TES: variants seen among roughly 807,000 people sequenced by gnomAD.
TES encodes testin.
TES carries 41 observed loss-of-function variants against 48.2 expected under a neutral mutation model. The observed-to-expected ratio is 0.85, with a 90% CI of 0.66 to 1.10. The LOEUF is 1.10. Among genes scored for constraint, TES ranks in the 50% least tolerant of loss-of-function variants. The probability of loss-of-function intolerance (pLI) is 0.00; values close to 1 mark genes in which losing one functional copy is unlikely to be tolerated. For missense variants in TES, 463 were observed against 515.1 expected (o/e 0.90, Z 0.98); for synonymous variants, 162 against 174.9 (o/e 0.93, Z 0.58).
At chr7:116,239,182 A>G (rs1025213822) in intron 2 of TES, 11 of 152,192 alleles carry the variant, frequency 7.2e-5, no homozygotes, top group Admixed American at 4.6e-4. Context: ...AATGCCTTCC[A>G]TCTTCAAAGC....
At chr7:116,213,300 G>C (rs1799459825) in intron 1 of TES, among the ~76,000 whole-genome samples, 1 of 152,156 alleles carries the variant, frequency 6.6e-6, no homozygotes, top group African/African-American at 2.4e-5. Context: ...AATGTACCTT[G>C]AGAAAAGGAA....
intron 1 of TES, chr7:116,217,861 T>TTAG (rs1437812354): frequency 1.9e-6 from 1 of 516,572 alleles, no homozygotes; most frequent in African/African-American, 1.9e-5. Flanking sequence ...CAATTTTCAG[T>TTAG]TCTAAGTGCC....
chr7:116,235,963 GTTCTTCAGTTTTGATACAA>G (rs1799765706), intron 2 of TES, among the ~76,000 whole-genome samples: 1 of 151,908 alleles, frequency 6.6e-6, no homozygotes. Context: ...AACTGATACA[GTTCTTCAGTTTTGATACAA>G]TTCTTCAGTT....
At chr7:116,218,971 C>T (rs940604990) in intron 1 of TES, among the ~76,000 whole-genome samples, 2 of 152,154 alleles carry the variant, frequency 1.3e-5, no homozygotes, top group Non-Finnish European at 2.9e-5. Context: ...TGCCTACTGT[C>T]AGTTTCTCTG....
intron 6 of TES, chr7:116,255,164 C>G (rs577211657): frequency 2.6e-5 from 4 of 152,180 alleles, no homozygotes; most frequent in African/African-American, 9.6e-5. Flanking sequence ...CCCCAGAATT[C>G]ACATCCGTCA....
intron 1 of TES, among the ~76,000 whole-genome samples, chr7:116,220,354 G>C (rs956769267): frequency 1.3e-5 from 2 of 152,134 alleles, no homozygotes; most frequent in African/African-American, 4.8e-5. Context: ...CAGAGGGTAG[G>C]ATCATCCTGT....
At chr7:116,220,134 A>G (rs949491344) in intron 1 of TES, among the ~76,000 whole-genome samples, 5 of 152,176 alleles carry the variant, frequency 3.3e-5, no homozygotes, top group African/African-American at 1.2e-4. Flanking sequence ...AATGGAAAAT[A>G]TATTCTGTGA....
chr7:116,244,921 G>A (rs1031870939), intron 2 of TES, among the ~76,000 whole-genome samples: 1 of 152,166 alleles, frequency 6.6e-6, no homozygotes, highest in African/African-American at 2.4e-5. Flanking sequence ...GAAGCAATGG[G>A]CCAAGCTATA....
Position 116,257,527 on chromosome 7 carries a change from T to C in TES, c.*45T>C. 7.2e-7 allele frequency: 1 copy of C among 1,394,418 alleles called. No individual in the cohort carries two copies. Among genetic ancestry groups the C allele is most frequent in the Non-Finnish European group, 9.5e-7 (1 of 1,057,234 alleles). 86.4% of individuals were successfully genotyped at this position (1,394,418 alleles called of 1,614,324 possible). On this transcript the variant is annotated 3_prime_UTR_variant, in exon 7 of 7. Coordinates refer to ENST00000358204, the MANE Select transcript of TES (RefSeq NM_015641.4). ...ATCGAGCCATAGCTATCCAAAGTGG[T>C]CTGCATTTCTACTGTAAAATGCAAT...
At chr7:116,247,633 G>A (rs752753845) in intron 2 of TES, among the ~76,000 whole-genome samples, 5 of 151,944 alleles carry the variant, frequency 3.3e-5, no homozygotes, top group African/African-American at 9.7e-5. Flanking sequence ...ATTGCTTCTC[G>A]TTATCATATC....
At chr7:116,257,259 CT>C in intron 6 of TES, 34 bp from the exon 7 acceptor site, 1 of 1,544,334 alleles carries the variant, frequency 6.5e-7, no homozygotes, top group Non-Finnish European at 8.8e-7. Flanking sequence ...ACAGCTTGAT[CT>C]CTCACCCTCT....
intron 2 of TES, among the ~76,000 whole-genome samples, chr7:116,245,670 G>A (rs913229186): frequency 1.3e-5 from 2 of 151,932 alleles, no homozygotes; most frequent in Non-Finnish European, 2.9e-5. Flanking sequence ...ACATTTTCAG[G>A]TATCCTTATG....
At chr7:116,250,101 A>C in intron 3 of TES, 60 bp from the exon 4 acceptor site, 1 of 1,407,638 alleles carries the variant, frequency 7.1e-7, no homozygotes, top group Non-Finnish European at 9.4e-7. Flanking sequence ...GATGTGTGTT[A>C]TGAAACATCA....
At chr7:116,228,825 C>A (rs1799657277) in intron 1 of TES, among the ~76,000 whole-genome samples, 1 of 151,488 alleles carries the variant, frequency 6.6e-6, no homozygotes, top group South Asian at 2.1e-4. Flanking sequence ...TATCTTGGAG[C>A]CAATCTAGTT....
chr7:116,240,068 T>A (rs1799825014), intron 2 of TES, among the ~76,000 whole-genome samples: 1 of 152,216 alleles, frequency 6.6e-6, no homozygotes, highest in Non-Finnish European at 1.5e-5. Context: ...GATTTAGAGC[T>A]GGGTGAAAAC....
At chr7:116,255,931 C>A (rs1263246478) in intron 6 of TES, among the ~76,000 whole-genome samples, 1 of 134,310 alleles carries the variant, frequency 7.4e-6, no homozygotes, top group African/African-American at 2.9e-5. Context: ...ATATGAAATG[C>A]AGAAAATAAG....
intron 1 of TES, among the ~76,000 whole-genome samples, chr7:116,224,062 C>G (rs964452382): frequency 1.1e-4 from 17 of 152,190 alleles, no homozygotes; most frequent in South Asian, 2.1e-4. Flanking sequence ...TCTTGTGGTT[C>G]TCTTGCTCTC....
chr7:116,239,845 T>C (rs1191685295), intron 2 of TES, among the ~76,000 whole-genome samples: 2 of 152,192 alleles, frequency 1.3e-5, no homozygotes, highest in African/African-American at 4.8e-5. Context: ...TTTATTGAAA[T>C]GTATGACACA....
chr7:116,256,705 A>G (rs1800104663), intron 6 of TES, among the ~76,000 whole-genome samples: 2 of 152,240 alleles, frequency 1.3e-5, no homozygotes, highest in African/African-American at 4.8e-5. Flanking sequence ...ACAATATTAG[A>G]TTACACATAA....
Sources: allele counts gnomAD v4.1 joint callset (sites outside exome capture counted in the v4.1 genomes callset), GRCh38; gene constraint gnomAD v4.1.1; transcripts MANE v1.5; gene names NCBI Gene and HGNC (gene_info 2026-07-23, HGNC 2026-07-21).